PRR11: variants seen among roughly 807,000 people sequenced by gnomAD.
The protein encoded by PRR11 is proline rich 11, also known as proline-rich protein 11.
Under a neutral mutation model 45.6 loss-of-function variants are expected in PRR11, and 30 were observed. The observed-to-expected ratio is 0.66, with a 90% confidence interval of 0.49 to 0.89. The LOEUF (loss-of-function observed/expected upper bound fraction) is 0.89, where lower values mean the gene tolerates loss of function less well. Among genes scored for constraint, PRR11 ranks in the 40% least tolerant of loss-of-function variants. The pLI, the probability that PRR11 is intolerant of heterozygous loss-of-function variation, is 0.00. For synonymous variants in PRR11, 128 were observed against 153.5 expected, an observed-to-expected ratio of 0.83 and a Z score of 1.23; for missense variants, 373 against 424.8, an observed-to-expected ratio of 0.88 and a Z score of 1.07.
Position 59,186,023 on chromosome 17 carries a change from A to G in PRR11, c.402+461A>G, listed in dbSNP as rs984164405. 7.2e-5 allele frequency among the ~76,000 whole-genome samples: 11 copies of G among 152,346 alleles called. No homozygotes were observed. In the East Asian group the frequency reaches 2.1e-3, roughly 29 times the overall value. ...GCTTTGTCAGATAAATGAGGGAGCC[A>G]TCCATAAAACTTATCTAACTGATGT... On this transcript the variant is annotated intron_variant, in intron 4 of 9. Coordinates refer to ENST00000262293, the MANE Select transcript of PRR11 (RefSeq NM_018304.4).
rs500080 is a variant in PRR11 at position 59,175,559 on chromosome 17, C to A, written c.128+5679C>A. ...GGTGGGTCGCTTGAGGCCAGGAGTT[C>A]GAGACCAGCCCCATATCTACTAAAG... On this transcript the variant is annotated intron_variant, in intron 2 of 9. Transcript: ENST00000262293. Among the ~76,000 whole-genome samples the A allele has an allele frequency of 2.0e-5, 3 of 152,230 alleles. No individual in the cohort carries two copies. The East Asian group carries it at 5.8e-4, about 29-fold the overall frequency.
At chr17:59,158,915 G>C (rs773287802) in intron 1 of PRR11, among the ~76,000 whole-genome samples, 2 of 152,192 alleles carry the variant, frequency 1.3e-5, no homozygotes, top group Non-Finnish European at 2.9e-5. Context: ...CCACCTCCTA[G>C]ATTCAAGTGA....
intron 2 of PRR11, among the ~76,000 whole-genome samples, chr17:59,182,922 T>C (rs1488946346): frequency 6.6e-6 from 1 of 152,172 alleles, no homozygotes; most frequent in Non-Finnish European, 1.5e-5. Context: ...GGCCTTCTTC[T>C]GGACTCTGCT....
At chr17:59,165,682 C>T (rs946057090) in intron 1 of PRR11, among the ~76,000 whole-genome samples, 1 of 152,016 alleles carries the variant, frequency 6.6e-6, no homozygotes, top group African/African-American at 2.4e-5. Context: ...ATCCCAGCTA[C>T]TCAGGAGGCT....
intron 2 of PRR11, among the ~76,000 whole-genome samples, chr17:59,182,327 C>CCCCTTCCTTCACCTTAGTCAATCCTA (rs1280661674): frequency 6.7e-6 from 1 of 150,252 alleles, no homozygotes; most frequent in Admixed American, 6.6e-5. Flanking sequence ...TGCACCTGGC[C>CCCCTTCCTTCACCTTAGTCAATCCTA]TGAATTTCTC....
intron 2 of PRR11, among the ~76,000 whole-genome samples, chr17:59,173,175 T>C (rs1333269919): frequency 6.6e-6 from 1 of 152,200 alleles, no homozygotes; most frequent in East Asian, 1.9e-4. Flanking sequence ...AACTTTTGTG[T>C]CTAGCTCAGG....
intron 2 of PRR11, chr17:59,181,583 T>G (rs779104178): frequency 1.4e-4 from 192 of 1,347,152 alleles, no homozygotes; most frequent in Non-Finnish European, 1.9e-4. Flanking sequence ...AGCTTCAGCT[T>G]CATTTTGAGC....
intron 1 of PRR11, among the ~76,000 whole-genome samples, chr17:59,166,225 T>C (rs2046679787): frequency 6.6e-6 from 1 of 152,078 alleles, no homozygotes. Flanking sequence ...TGAACAAAAG[T>C]GGAATGAATG....
rs570997879 is a variant in PRR11 at position 59,194,691 on chromosome 17, T to G, written c.646-66T>G. On this transcript the variant is annotated intron_variant, in intron 5 of 9. Transcript: ENST00000262293. ...AACTCTGAGTCTTTAAAAACTAGAT[T>G]TGGATTTGCATTTCACCAGTTGTGC... 6.7e-5 allele frequency: 84 copies of G among 1,261,042 alleles called. No homozygotes were observed. The South Asian group carries it at 1.1e-3, about 16-fold the overall frequency. The allele number at this position is 1,261,042 out of a possible 1,614,324, so 78.1% of individuals were successfully genotyped here.
In PRR11 at chr17:59,205,687, G is replaced by A. The variant is rs144469050; in HGVS notation, c.*4056G>A. 7.3e-4 allele frequency among the ~76,000 whole-genome samples: 107 copies of A among 146,532 alleles called. 4 individuals carry two copies. The East Asian group carries it at 0.019, about 26-fold the overall frequency. On this transcript the variant is annotated 3_prime_UTR_variant, in exon 10 of 10. Coordinates refer to ENST00000262293, the MANE Select transcript of PRR11 (RefSeq NM_018304.4). ...GCACTCCAGCTTGAGCAACAAGAGC[G>A]AAACTGTCTCAAAAAAAAAAAAAAA...
chr17:59,179,570 T>C (rs964345871), intron 2 of PRR11: 92 of 1,457,444 alleles, frequency 6.3e-5, no homozygotes, highest in Non-Finnish European at 7.9e-5. Context: ...ATTTTTCCCA[T>C]TGGAAAAGTG....
chr17:59,185,679 G>C, intron 4 of PRR11, 117 bp downstream of exon 4: 1 of 962,096 alleles, frequency 1.0e-6, no homozygotes, highest in East Asian at 2.7e-5. Context: ...CAAACATTAA[G>C]CGAAAAAGTT....
At chr17:59,179,042 C>T (rs900928496) in intron 2 of PRR11, among the ~76,000 whole-genome samples, 3 of 152,092 alleles carry the variant, frequency 2.0e-5, no homozygotes, top group African/African-American at 7.2e-5. Context: ...CTCTGTGGGC[C>T]GGGCTGGAAT....
intron 9 of PRR11, among the ~76,000 whole-genome samples, chr17:59,200,791 C>T (rs2046888820): frequency 6.6e-6 from 1 of 151,962 alleles, no homozygotes; most frequent in Admixed American, 6.6e-5. Flanking sequence ...CGGGCCCAGC[C>T]TGTTTTTTTA....
chr17:59,177,205 G>A (rs2046752293), intron 2 of PRR11: 10 of 548,350 alleles, frequency 1.8e-5, no homozygotes, highest in South Asian at 1.4e-4. Flanking sequence ...GTATTGCCGG[G>A]AGAAGAGGCC....
intron 4 of PRR11, among the ~76,000 whole-genome samples, chr17:59,193,267 A>G (rs2046848068): frequency 2.6e-5 from 4 of 152,144 alleles, no homozygotes; most frequent in Admixed American, 2.6e-4. Context: ...CCATGAGGTG[A>G]CACACAGGGC....
intron 2 of PRR11, among the ~76,000 whole-genome samples, chr17:59,172,786 G>C (rs576599194): frequency 6.6e-6 from 1 of 152,250 alleles, no homozygotes; most frequent in African/African-American, 2.4e-5. Context: ...CCTGCAGCCC[G>C]CCATGCCTGA....
intron 1 of PRR11, among the ~76,000 whole-genome samples, chr17:59,166,127 C>T (rs1053190372): frequency 2.5e-4 from 38 of 152,280 alleles, no homozygotes; most frequent in African/African-American, 8.2e-4. Flanking sequence ...TTACAACCTG[C>T]AACAGGGTAG....
chr17:59,174,829 G>A (rs143750776), intron 2 of PRR11, among the ~76,000 whole-genome samples: 2 of 152,202 alleles, frequency 1.3e-5, no homozygotes, highest in African/African-American at 4.8e-5. Context: ...TGGGTTATAA[G>A]CCTGGATCTG....
Sources: allele counts gnomAD v4.1 joint callset (sites outside exome capture counted in the v4.1 genomes callset), GRCh38; gene constraint gnomAD v4.1.1; transcripts MANE v1.5; gene names NCBI Gene and HGNC (gene_info 2026-07-23, HGNC 2026-07-21).